Variants in LY96 observed in about 807,000 individuals in gnomAD.
The protein encoded by LY96 is lymphocyte antigen 96, also known as myeloid differentiation protein-2.
A neutral mutation model predicts 18.9 loss-of-function variants in LY96; 18 were observed. The observed-to-expected ratio is 0.95, with a 90% confidence interval of 0.66 to 1.41. The LOEUF is 1.41. Among genes scored for constraint, LY96 ranks in the 40% most tolerant of loss-of-function variants. The pLI is 0.00. For synonymous variants in LY96, 66 were observed against 62.6 expected (o/e 1.06, Z -0.26); for missense variants, 175 against 182.4 (o/e 0.96, Z 0.23).
At chr8:74,044,371 TGTAGAAATGGGGTCTTAATAA>T in the LY96 span, among the ~76,000 whole-genome samples, 2 of 151,984 alleles carry the variant, frequency 1.3e-5, no homozygotes, top group Non-Finnish European at 2.9e-5. Flanking sequence ...AAATTTATTT[TGTAGAAATGGGGTCTTAATAA>T]GTTTCCCAGG....
intron 3 of LY96, among the ~76,000 whole-genome samples, chr8:74,023,664 C>G (rs1387124728): frequency 6.6e-6 from 1 of 152,134 alleles, no homozygotes; most frequent in Non-Finnish European, 1.5e-5. Context: ...GGGACCTTCT[C>G]TTTCTCCGTT....
At chr8:74,002,095 C>CTTTCTTTCTTTCTTTCTTTCTT (rs1185010034) in intron 1 of LY96, among the ~76,000 whole-genome samples, 5 of 12,588 alleles carry the variant, frequency 4.0e-4, no homozygotes, top group Non-Finnish European at 1.4e-3. Context: ...TTCTTTCTTT[C>CTTTCTTTCTTTCTTTCTTTCTT]TCTCTCTCTC....
the LY96 span, among the ~76,000 whole-genome samples, chr8:74,082,584 C>CA: frequency 4.6e-5 from 7 of 152,272 alleles, no homozygotes; most frequent in African/African-American, 1.7e-4. Flanking sequence ...TTCCTTTTCT[C>CA]ACCCATCGTA....
At chr8:74,044,074 G>A in the LY96 span, among the ~76,000 whole-genome samples, 1 of 151,916 alleles carries the variant, frequency 6.6e-6, no homozygotes, top group African/African-American at 2.4e-5. Context: ...GACCAGCGTT[G>A]TAAAGTTTAA....
the LY96 span, among the ~76,000 whole-genome samples, chr8:74,057,249 A>T: frequency 6.6e-6 from 1 of 152,132 alleles, no homozygotes; most frequent in East Asian, 1.9e-4. Context: ...CCATTTTCTA[A>T]GGCTATGTTG....
chr8:74,087,587 T>A, the LY96 span, among the ~76,000 whole-genome samples: 1 of 152,162 alleles, frequency 6.6e-6, no homozygotes, highest in African/African-American at 2.4e-5. Flanking sequence ...GTGGCCAAGG[T>A]TCACTGTTTT....
At chr8:74,028,890 A>T in intron 4 of LY96, 66 bp from the exon 5 acceptor site, 1 of 967,280 alleles carries the variant, frequency 1.0e-6, no homozygotes, top group Non-Finnish European at 1.6e-6. Flanking sequence ...GAAAGTTCTT[A>T]CAAAGCCTCT....
chr8:74,013,936 A>G (rs1042334415), intron 3 of LY96, among the ~76,000 whole-genome samples: 3 of 152,010 alleles, frequency 2.0e-5, no homozygotes, highest in African/African-American at 7.2e-5. Context: ...CCATTTTTAC[A>G]GATAACTAGC....
intron 2 of LY96, among the ~76,000 whole-genome samples, chr8:74,005,271 T>C (rs1751944021): frequency 1.3e-5 from 2 of 152,188 alleles, no homozygotes; most frequent in Admixed American, 6.5e-5. Flanking sequence ...GCATTTTCAG[T>C]ATGGCTGCTT....
chr8:74,064,719 C>T, the LY96 span, among the ~76,000 whole-genome samples: 1 of 152,144 alleles, frequency 6.6e-6, no homozygotes, highest in Non-Finnish European at 1.5e-5. Flanking sequence ...CTATAAATTA[C>T]CCAGCCTCTG....
the LY96 span, among the ~76,000 whole-genome samples, chr8:74,040,698 G>GTTTTTTT: frequency 1.6e-4 from 17 of 109,236 alleles, no homozygotes; most frequent in East Asian, 2.9e-4. Context: ...CTATGTGTCT[G>GTTTTTTT]TTTTTTTTTT....
the LY96 span, among the ~76,000 whole-genome samples, chr8:74,079,797 G>A: frequency 7.3e-5 from 11 of 151,582 alleles, no homozygotes; most frequent in African/African-American, 1.5e-4. Flanking sequence ...AGATCCACCC[G>A]CTTTGGCTTC....
intron 1 of LY96, among the ~76,000 whole-genome samples, chr8:73,993,834 C>T (rs1816063816): frequency 6.6e-6 from 1 of 152,144 alleles, no homozygotes; most frequent in African/African-American, 2.4e-5. Context: ...CCACCTTGGC[C>T]TCCCAAAGTG....
the LY96 span, among the ~76,000 whole-genome samples, chr8:74,096,825 A>T: frequency 1.3e-5 from 2 of 152,286 alleles, no homozygotes; most frequent in East Asian, 3.9e-4. Context: ...TCCCAGGGTG[A>T]TGTGAATACT....
At chr8:74,084,178 G>A in the LY96 span, among the ~76,000 whole-genome samples, 1 of 152,176 alleles carries the variant, frequency 6.6e-6, no homozygotes, top group Admixed American at 6.5e-5. Context: ...ATAGTTAGAT[G>A]TAAACATTTA....
the LY96 span, among the ~76,000 whole-genome samples, chr8:74,046,829 A>T: frequency 6.6e-6 from 1 of 151,836 alleles, no homozygotes; most frequent in African/African-American, 2.4e-5. Flanking sequence ...TGTTTTTCTA[A>T]ATTAGAACTT....
chr8:74,014,484 GTTT>G (rs59403354), intron 3 of LY96, among the ~76,000 whole-genome samples: 25 of 131,388 alleles, frequency 1.9e-4, no homozygotes, highest in Non-Finnish European at 3.1e-4. Flanking sequence ...GAACAGGCAG[GTTT>G]TTTTTTTTTT....
At chr8:74,075,070 C>T in the LY96 span, among the ~76,000 whole-genome samples, 1 of 152,192 alleles carries the variant, frequency 6.6e-6, no homozygotes, top group Middle Eastern at 3.2e-3. Flanking sequence ...GTGTCCGATG[C>T]TGAAAGAGGG....
chr8:74,033,099 AAT>A (rs1816997510), downstream of LY96, among the ~76,000 whole-genome samples: 1 of 152,192 alleles, frequency 6.6e-6, no homozygotes, highest in African/African-American at 2.4e-5. Context: ...ACTCCGGCAG[AAT>A]CATACGACTA....
Sources: allele counts gnomAD v4.1 joint callset (sites outside exome capture counted in the v4.1 genomes callset), GRCh38; gene constraint gnomAD v4.1.1; transcripts MANE v1.5; gene names NCBI Gene and HGNC (gene_info 2026-07-23, HGNC 2026-07-21).